MTTP: variants seen among roughly 807,000 people sequenced by gnomAD.
MTTP encodes the protein microsomal triglyceride transfer protein.
In MTTP, 49 loss-of-function variants were observed where a neutral mutation model predicts 90.6. That is an observed-to-expected ratio of 0.54 (90% CI 0.43 to 0.69). The LOEUF (loss-of-function observed/expected upper bound fraction) is 0.69, where lower values mean the gene tolerates loss of function less well. Ranked by LOEUF, MTTP falls within the 30% of genes least tolerant of loss-of-function variation. The probability of loss-of-function intolerance (pLI) is 0.00; values close to 1 mark genes in which losing one functional copy is unlikely to be tolerated. For synonymous variants in MTTP, 347 were observed against 384.2 expected (o/e 0.90, Z 1.13); for missense variants, 945 against 1,067.5 (o/e 0.89, Z 1.60).
At chr4:99,608,115 A>G (rs1725863077) in intron 11 of MTTP, among the ~76,000 whole-genome samples, 1 of 152,196 alleles carries the variant, frequency 6.6e-6, no homozygotes, top group African/African-American at 2.4e-5. Context: ...TTATGCTGCA[A>G]TAAAAAATGT....
At chr4:99,622,199 T>G (rs1285464381) in intron 17 of MTTP, among the ~76,000 whole-genome samples, 2 of 152,190 alleles carry the variant, frequency 1.3e-5, no homozygotes, top group Non-Finnish European at 2.9e-5. Flanking sequence ...AACCTTCTAA[T>G]GGTTGAAATG....
intron 1 of MTTP, among the ~76,000 whole-genome samples, chr4:99,566,491 C>T (rs1487568475): frequency 6.6e-6 from 1 of 152,068 alleles, no homozygotes; most frequent in African/African-American, 2.4e-5. Flanking sequence ...TGCATAGTAT[C>T]TATGGGGACT....
rs746308828 is a variant in MTTP, at chr4:99,606,808, G to A, written c.1405G>A (p.Asp469Asn). Residue 469 changes from aspartate (D) to asparagine (N), a missense_variant, in exon 11 of 18, where the codon GAC becomes AAC. Coordinates refer to ENST00000265517, the MANE Select transcript of MTTP (RefSeq NM_001386140.1). Reference protein sequence around the residue: ...GGLEKAEKKEDTRMYLLALKN... With the variant: ...GGLEKAEKKENTRMYLLALKN... ...ACTTGAAAAAGCAGAGAAAAAAGAG[G>A]ACACCAGGATGTATCTGCTGGCTTT... is the stretch of plus-strand genomic sequence containing the variant. 5 of 1,614,032 alleles carry A rather than the reference G, an allele frequency of 3.1e-6. No individual in the cohort carries two copies. Among genetic ancestry groups the A allele is most frequent in the Non-Finnish European group, 4.2e-6 (5 of 1,180,002 alleles).
Position 99,606,923 on chromosome 4 carries a change from C to G in MTTP, c.1520C>G (p.Ala507Gly), listed in dbSNP as rs1290887961. 1.9e-6 allele frequency: 3 copies of G among 1,613,788 alleles called. No individual in the cohort carries two copies. The highest frequency in any genetic ancestry group is 2.5e-6 in the Non-Finnish European group (3 of 1,179,882). The change falls in exon 11 of 18, where the codon GCT becomes GGT. Residue 507 changes from alanine (A) to glycine (G), a missense_variant. Ala to Gly is a moderately conservative substitution (Grantham distance 60). Transcript: ENST00000265517. ...CCCATCAGCCACCTGGCTACCACTGCTCTCCAGAGATATGATCTCCCTTTC... is the reference window on the plus strand; with the variant it reads ...CCCATCAGCCACCTGGCTACCACTGGTCTCCAGAGATATGATCTCCCTTTC... ...EGPISHLATTALQRYDLPFIT... is the reference protein window; with the variant it reads ...EGPISHLATTGLQRYDLPFIT...
At position 99,606,730 on chromosome 4, in the gene MTTP, A is replaced by G; in HGVS notation, c.1345-18A>G. On this transcript the variant is annotated intron_variant, in intron 10 of 17. Transcript: ENST00000265517. ...CAATGTATGGTCATGCATATATCTA[A>G]GGTATATGATTTTTCAGGCAGTAGT... 1 of 1,609,706 alleles carries G rather than the reference A, an allele frequency of 6.2e-7. No homozygotes were observed. Among genetic ancestry groups the G allele is most frequent in the Non-Finnish European group, 8.5e-7 (1 of 1,177,134 alleles).
Position 99,589,664 on chromosome 4 carries a change from C to A in MTTP, c.415C>A (p.Gln139Lys). ...HGKVKEFYSYQNEAVAIENIK... is the reference protein window; with the variant it reads ...HGKVKEFYSYKNEAVAIENIK... The stretch of plus-strand genomic sequence containing the variant: ...CCAGGTCAAAGAGTTCTACTCATAT[C>A]AAAATGAGGCAGTGGCCATAGAAAA... The change falls in exon 4 of 18, where the codon CAA (glutamine) becomes AAA (lysine). Residue 139 changes from glutamine to lysine, a missense_variant. Physicochemically the swap from Gln to Lys is moderately conservative, Grantham distance 53 (BLOSUM62 1). Coordinates refer to ENST00000265517, the MANE Select transcript of MTTP (RefSeq NM_001386140.1). 1 of 1,605,692 alleles carries A rather than the reference C, an allele frequency of 6.2e-7. No individual in the cohort carries two copies.
At chr4:99,604,310 G>A (rs1255874804) in intron 10 of MTTP, among the ~76,000 whole-genome samples, 4 of 152,170 alleles carry the variant, frequency 2.6e-5, no homozygotes, top group Non-Finnish European at 5.9e-5. Context: ...GTGACAGTCT[G>A]AATGGCAGCT....
intron 15 of MTTP, among the ~76,000 whole-genome samples, chr4:99,615,415 A>T (rs929716528): frequency 1.3e-5 from 2 of 152,224 alleles, no homozygotes; most frequent in African/African-American, 4.8e-5. Flanking sequence ...CTATTCACTA[A>T]GCTAGGGCAG....
At chr4:99,614,952 A>G (rs1320395268) in intron 15 of MTTP, among the ~76,000 whole-genome samples, 1 of 152,228 alleles carries the variant, frequency 6.6e-6, no homozygotes, top group Admixed American at 6.5e-5. Context: ...ACATGAAAAA[A>G]ACAGTTCTCA....
intron 1 of MTTP, among the ~76,000 whole-genome samples, chr4:99,576,564 G>A (rs957247106): frequency 1.3e-5 from 2 of 150,030 alleles, no homozygotes; most frequent in African/African-American, 4.9e-5. Context: ...GCGTAGTGGC[G>A]GGCGCCTGTA....
Position 99,603,232 on chromosome 4 carries a change from A to C in MTTP, c.1344+1518A>C, listed in dbSNP as rs530956326. Among the ~76,000 whole-genome samples the C allele has an allele frequency of 2.3e-4, 35 of 152,278 alleles. 1 individual carries two copies. Among genetic ancestry groups the C allele is most frequent in the African/African-American group, 8.4e-4 (35 of 41,584 alleles). ...ATGTTTCTGGGGGCAGATAAGTGAC[A>C]GTGGAGACACAGGAAAGATGGGAAA... On this transcript the variant is annotated intron_variant, in intron 10 of 17. Transcript: ENST00000265517.
Position 99,606,813 on chromosome 4 carries a change from C to T in MTTP, c.1410C>T (p.Thr470=), listed in dbSNP as rs1280423863. The T allele has an allele frequency of 3.1e-6, 5 of 1,613,860 alleles. No homozygotes were observed. The highest frequency in any genetic ancestry group is 4.2e-6 in the Non-Finnish European group (5 of 1,179,982). ...AAAAAGCAGAGAAAAAAGAGGACAC[C>T]AGGATGTATCTGCTGGCTTTGAAGA... The part of the protein sequence containing the change: ...GLEKAEKKED[T]RMYLLALKNA... The change falls in exon 11 of 18, where the codon ACC becomes ACT. Residue 470 remains threonine, a synonymous_variant. Transcript: ENST00000265517.
chr4:99,621,437 T>G (rs1726231367), intron 17 of MTTP, among the ~76,000 whole-genome samples: 1 of 152,190 alleles, frequency 6.6e-6, no homozygotes, highest in African/African-American at 2.4e-5. Context: ...TAATGACTAG[T>G]TCATTTGATT....
chr4:99,616,215 G>A (rs1391713127), intron 15 of MTTP, among the ~76,000 whole-genome samples: 1 of 152,130 alleles, frequency 6.6e-6, no homozygotes, highest in African/African-American at 2.4e-5. Flanking sequence ...GCAACATGGT[G>A]AAACCCCAGA....
intron 15 of MTTP, among the ~76,000 whole-genome samples, chr4:99,614,271 G>T (rs1726034678): frequency 6.6e-6 from 1 of 152,134 alleles, no homozygotes; most frequent in Non-Finnish European, 1.5e-5. Flanking sequence ...GTGGTCTGAA[G>T]ATTTTATCAG....
chr4:99,610,574 T>C (rs746798831), intron 12 of MTTP, among the ~76,000 whole-genome samples: 1 of 152,224 alleles, frequency 6.6e-6, no homozygotes, highest in African/African-American at 2.4e-5. Context: ...TTAACACTAA[T>C]TACTTAGACA....
chr4:99,594,202 C>T (rs375059298), intron 6 of MTTP, among the ~76,000 whole-genome samples: 2 of 152,342 alleles, frequency 1.3e-5, no homozygotes, highest in South Asian at 2.1e-4. Context: ...TTAGAGATCA[C>T]ACAGTGTTAC....
chr4:99,568,680 A>G (rs1046460507), intron 1 of MTTP, among the ~76,000 whole-genome samples: 3 of 152,160 alleles, frequency 2.0e-5, no homozygotes, highest in Non-Finnish European at 2.9e-5. Flanking sequence ...AGCATCTTGC[A>G]GTGCCAGATA....
At chr4:99,585,900 G>A (rs1476737447) in intron 3 of MTTP, among the ~76,000 whole-genome samples, 2 of 152,130 alleles carry the variant, frequency 1.3e-5, no homozygotes, top group Non-Finnish European at 1.5e-5. Context: ...CCAACAGGAA[G>A]TTTTGGCCAT....
Sources: allele counts gnomAD v4.1 joint callset (sites outside exome capture counted in the v4.1 genomes callset), GRCh38; gene constraint gnomAD v4.1.1; transcripts MANE v1.5; gene names NCBI Gene and HGNC (gene_info 2026-07-23, HGNC 2026-07-21).